Variants in SIL1 observed in about 807,000 individuals in gnomAD.
SIL1 encodes nucleotide exchange factor SIL1.
SIL1 carries 40 observed loss-of-function variants against 49.1 expected under a neutral mutation model. That is an observed-to-expected ratio of 0.81 (90% CI 0.63 to 1.06). The LOEUF is 1.06. SIL1 is among the 50% of genes least tolerant of loss of function. SIL1 has a pLI of 0.00. For synonymous variants in SIL1, 253 were observed against 250.8 expected, an observed-to-expected ratio of 1.01 and a Z score of -0.08; for missense variants, 500 against 572.6, an observed-to-expected ratio of 0.87 and a Z score of 1.29.
chr5:139,176,329 C>G (rs940749545), intron 1 of SIL1, among the ~76,000 whole-genome samples: 1 of 152,164 alleles, frequency 6.6e-6, no homozygotes, highest in African/African-American at 2.4e-5. Flanking sequence ...CTCTACAGCT[C>G]TCTTCTGAAC....
In SIL1 at chr5:138,946,975, C is replaced by T. The variant is rs1037248505; in HGVS notation, c.*142G>A. On this transcript the variant is annotated 3_prime_UTR_variant, in exon 10 of 10. Transcript: ENST00000394817. ...GCTGTGCCCAGTCTACACAGACACA[C>T]AGCAGAAAGAGGATGGCCTTCAGGT... 2 of 723,090 alleles carry T rather than the reference C, an allele frequency of 2.8e-6. No individual in the cohort carries two copies. Among genetic ancestry groups the T allele is most frequent in the Non-Finnish European group, 5.0e-6 (2 of 403,946 alleles). The allele number at this position is 723,090 out of a possible 1,614,324, so 44.8% of individuals were successfully genotyped here.
At chr5:139,173,820 G>A (rs545102237) in intron 1 of SIL1, among the ~76,000 whole-genome samples, 6 of 150,014 alleles carry the variant, frequency 4.0e-5, no homozygotes, top group Admixed American at 2.0e-4. Flanking sequence ...TTAGCCGGGC[G>A]TGGTGGCAGG....
At chr5:139,117,153 C>T (rs1771007822) in intron 3 of SIL1, among the ~76,000 whole-genome samples, 1 of 152,196 alleles carries the variant, frequency 6.6e-6, no homozygotes, top group Non-Finnish European at 1.5e-5. Flanking sequence ...ACTTTGGTGG[C>T]TGTTTTTGTC....
intron 3 of SIL1, among the ~76,000 whole-genome samples, chr5:139,075,638 G>A (rs974796917): frequency 3.9e-5 from 6 of 152,168 alleles, no homozygotes; most frequent in South Asian, 2.1e-4. Context: ...CTACATAAAC[G>A]CTAGTGTGTT....
At chr5:139,123,821 C>T (rs933382927) in intron 2 of SIL1, among the ~76,000 whole-genome samples, 6 of 152,234 alleles carry the variant, frequency 3.9e-5, no homozygotes, top group Non-Finnish European at 7.3e-5. Flanking sequence ...AACTTGAAAA[C>T]AGAAATCCAG....
intron 7 of SIL1, among the ~76,000 whole-genome samples, chr5:138,955,174 C>G (rs556443375): frequency 1.1e-4 from 16 of 152,318 alleles, no homozygotes; most frequent in African/African-American, 3.6e-4. Context: ...GGGGGCCTGG[C>G]ACGCCTCAAA....
chr5:139,167,168 T>C (rs1270504745), intron 1 of SIL1, among the ~76,000 whole-genome samples: 1 of 151,744 alleles, frequency 6.6e-6, no homozygotes, highest in Non-Finnish European at 1.5e-5. Context: ...TTGCCCAGGC[T>C]GATCCTGAAC....
intron 2 of SIL1, among the ~76,000 whole-genome samples, chr5:139,124,897 T>C (rs1026255433): frequency 3.9e-5 from 6 of 152,132 alleles, no homozygotes; most frequent in Non-Finnish European, 7.4e-5. Flanking sequence ...AGAGCAGAGA[T>C]TGAAGTCCAG....
At chr5:139,014,685 T>C (rs1250818057) in intron 7 of SIL1, among the ~76,000 whole-genome samples, 1 of 152,214 alleles carries the variant, frequency 6.6e-6, no homozygotes, top group Non-Finnish European at 1.5e-5. Context: ...TTCGTCATTA[T>C]TTGCCATTTG....
chr5:139,021,220 G>C lies in SIL1; in HGVS notation c.718C>G (p.Pro240Ala), dbSNP rs1409764034. Reference sequence around the variant, plus strand: ...AACGCAGCATACTCCTTCACGAGGGGCTCTGTGCTGTTCAGCCCATTGATC... The same window carrying C: ...AACGCAGCATACTCCTTCACGAGGGCCTCTGTGCTGTTCAGCCCATTGATC... ...VVINGLNSTEPLVKEYAAFVL... is the reference protein window; with the variant it reads ...VVINGLNSTEALVKEYAAFVL... The change falls in exon 7 of 10, where the codon CCC (proline) becomes GCC (alanine). Residue 240 changes from proline (P) to alanine (A), a missense_variant. Coordinates refer to ENST00000394817, the MANE Select transcript of SIL1 (RefSeq NM_022464.5). The C allele has an allele frequency of 6.2e-7, 1 of 1,614,132 alleles. No homozygotes were observed.
At chr5:139,177,252 A>G (rs1256074238) in intron 1 of SIL1, among the ~76,000 whole-genome samples, 1 of 143,022 alleles carries the variant, frequency 7.0e-6, no homozygotes, top group Non-Finnish European at 1.5e-5. Context: ...TTATTTATTT[A>G]TTTATTTATT....
At chr5:139,161,696 T>C (rs1279690985) in intron 1 of SIL1, among the ~76,000 whole-genome samples, 2 of 152,078 alleles carry the variant, frequency 1.3e-5, no homozygotes, top group South Asian at 4.1e-4. Flanking sequence ...CCCAGGAGCT[T>C]GGAGCACTTC....
chr5:138,959,864 CAG>C (rs1766981282), intron 7 of SIL1, among the ~76,000 whole-genome samples: 2 of 152,236 alleles, frequency 1.3e-5, no homozygotes, highest in African/African-American at 4.8e-5. Flanking sequence ...AGTAGCCTCA[CAG>C]AGCTTACAGT....
intron 7 of SIL1, among the ~76,000 whole-genome samples, chr5:138,971,919 A>T (rs1192567020): frequency 7.9e-5 from 12 of 152,148 alleles, no homozygotes; most frequent in Admixed American, 7.9e-4. Flanking sequence ...CTGGGCTCCA[A>T]CCAACAGGCT....
intron 8 of SIL1, 85 bp from the exon 9 acceptor site, chr5:138,951,420 C>A: frequency 7.2e-7 from 1 of 1,384,124 alleles, no homozygotes; most frequent in Admixed American, 2.0e-5. Flanking sequence ...AGAGGTGCCC[C>A]AAATTAGTCC....
chr5:138,989,857 A>T (rs1424892630), intron 7 of SIL1, among the ~76,000 whole-genome samples: 1 of 152,158 alleles, frequency 6.6e-6, no homozygotes, highest in African/African-American at 2.4e-5. Flanking sequence ...GCCATGTCTT[A>T]TCCTGAAAAC....
intron 6 of SIL1, among the ~76,000 whole-genome samples, chr5:139,023,995 T>C (rs1430035210): frequency 6.6e-6 from 1 of 152,204 alleles, no homozygotes; most frequent in Non-Finnish European, 1.5e-5. Context: ...AGAATGGGGA[T>C]GTCACCTTAG....
chr5:138,953,551 C>T (rs1202372130), intron 7 of SIL1: 1 of 152,360 alleles, frequency 6.6e-6, no homozygotes, highest in Non-Finnish European at 1.5e-5. Flanking sequence ...GCCCGTCCCA[C>T]AGCAACTCCA....
intron 3 of SIL1, among the ~76,000 whole-genome samples, chr5:139,056,655 GC>G (rs1384893270): frequency 1.4e-5 from 2 of 143,772 alleles, no homozygotes; most frequent in East Asian, 2.0e-4. Flanking sequence ...GGGGGGGTCA[GC>G]CCCCCGCCTG....
Sources: allele counts gnomAD v4.1 joint callset (sites outside exome capture counted in the v4.1 genomes callset), GRCh38; gene constraint gnomAD v4.1.1; transcripts MANE v1.5; gene names NCBI Gene and HGNC (gene_info 2026-07-23, HGNC 2026-07-21).